The following TRIM22 variants were observed in gnomAD, a reference collection of about 807,000 sequenced individuals.
TRIM22 encodes the protein tripartite motif containing 22.
A neutral mutation model predicts 53.6 loss-of-function variants in TRIM22; 45 were observed. The observed-to-expected ratio is 0.84, with a 90% confidence interval of 0.66 to 1.08. TRIM22 has a LOEUF of 1.08. Ranked by LOEUF, TRIM22 falls within the 50% of genes least tolerant of loss-of-function variation. The probability of loss-of-function intolerance (pLI) is 0.00; values close to 1 mark genes in which losing one functional copy is unlikely to be tolerated. For missense variants in TRIM22, 616 were observed against 590.9 expected, an observed-to-expected ratio of 1.04 and a Z score of -0.44; for synonymous variants, 225 against 216.6, an observed-to-expected ratio of 1.04 and a Z score of -0.34.
chr11:5,698,230 C>T (rs1005567878), intron 3 of TRIM22, 85 bp from the exon 4 acceptor site: 26 of 1,102,714 alleles, frequency 2.4e-5, no homozygotes, highest in Non-Finnish European at 3.1e-5. Context: ...CTGAGGAAAA[C>T]TGTTCTTATC....
At chr11:5,698,191 T>A in intron 3 of TRIM22, 124 bp from the exon 4 acceptor site, 1 of 746,138 alleles carries the variant, frequency 1.3e-6, no homozygotes. Context: ...GTGTATTGGC[T>A]TTTGCCTCCT....
chr11:5,709,563 G>T lies in TRIM22; in HGVS notation c.1412G>T (p.Gly471Val), dbSNP rs371139090. Residue 471 changes from glycine to valine, a missense_variant, in exon 8 of 8, where the codon GGA becomes GTA. Physicochemically the swap from Gly to Val is moderately radical, Grantham distance 109. Transcript: ENST00000379965. The part of the protein sequence containing the change: ...NHGALIYKFS[G>V]CRFSRPAYPY... ...GGAGCACTCATCTACAAGTTCTCTG[G>T]ATGTCGCTTTTCTCGACCTGCTTAT... 3.1e-6 allele frequency: 5 copies of T among 1,613,834 alleles called. No homozygotes were observed. In the Admixed American group the frequency reaches 8.3e-5, roughly 27 times the overall value.
In TRIM22 at chr11:5,709,708, G is replaced by T; in HGVS notation, c.*60G>T. On this transcript the variant is annotated 3_prime_UTR_variant, in exon 8 of 8. Coordinates refer to ENST00000379965, the MANE Select transcript of TRIM22 (RefSeq NM_006074.5). ...GCCCTTGTGCTGAGACTCAGATTCT[G>T]CACCTGAGTTCATCTCTACTGAGAC... 1 of 1,414,450 alleles carries T rather than the reference G, an allele frequency of 7.1e-7. No individual in the cohort carries two copies. The highest frequency in any genetic ancestry group is 1.3e-5 in the South Asian group (1 of 78,706). The allele number at this position is 1,414,450 out of a possible 1,614,324, so 87.6% of individuals were successfully genotyped here.
At chr11:5,698,605 T>A in intron 4 of TRIM22, 60 bp downstream of exon 4, 1 of 1,362,236 alleles carries the variant, frequency 7.3e-7, no homozygotes, top group Non-Finnish European at 1.0e-6. Flanking sequence ...GAGGCCGATT[T>A]TCCTTCCCTT....
At chr11:5,706,465 T>G (rs1026636063) in intron 4 of TRIM22, 129 bp from the exon 5 acceptor site, 1 of 575,562 alleles carries the variant, frequency 1.7e-6, no homozygotes, top group Non-Finnish European at 2.8e-6. Context: ...AAGAATATCT[T>G]AAATATTATA....
At position 5,698,466 on chromosome 11, in the gene TRIM22, T is replaced by C; in HGVS notation, c.671T>C (p.Val224Ala). 1 of 1,614,056 alleles carries C rather than the reference T, an allele frequency of 6.2e-7. No individual in the cohort carries two copies. The highest frequency in any genetic ancestry group is 8.5e-7 in the Non-Finnish European group (1 of 1,179,968). Residue 224 changes from valine (V) to alanine (A), a missense_variant, in exon 4 of 8, where the codon GTC becomes GCC. Transcript: ENST00000379965. ...CTGGCAGCAGCTACAGACCAGCTGG[T>C]CCAGCAGAGGCAGGATGCCAGCACG... is the stretch of plus-strand genomic sequence containing the variant. The part of the protein sequence containing the change: ...DNLAAATDQL[V>A]QQRQDASTLI...
chr11:5,704,767 T>G (rs1034844328), intron 4 of TRIM22, among the ~76,000 whole-genome samples: 9 of 152,152 alleles, frequency 5.9e-5, no homozygotes, highest in African/African-American at 2.2e-4. Context: ...TATCTTTAGG[T>G]CTTTGATTTA....
In TRIM22 at chr11:5,708,265, T is replaced by A. The variant is rs752103507; in HGVS notation, c.866T>A (p.Val289Asp). The change falls in exon 6 of 8, where the codon GTT becomes GAT. Residue 289 changes from valine to aspartate, a missense_variant. By Grantham distance (152) the Val-to-Asp change is radical. Transcript: ENST00000379965. ...RVPDLSGMLQ[V>D]LKELTDVQYY... is the part of the protein sequence containing the mutation. Reference sequence around the variant, plus strand: ...CCAGATCTGAGTGGGATGCTGCAAGTTCTTAAAGGTAAGGGGATTCAGGGG... The same window carrying A: ...CCAGATCTGAGTGGGATGCTGCAAGATCTTAAAGGTAAGGGGATTCAGGGG... 6.2e-7 allele frequency: 1 copy of A among 1,613,444 alleles called. No individual in the cohort carries two copies. The highest frequency in any genetic ancestry group is 2.2e-5 in the East Asian group (1 of 44,882).
chr11:5,704,296 G>T (rs544458958), intron 4 of TRIM22, among the ~76,000 whole-genome samples: 7 of 150,512 alleles, frequency 4.7e-5, no homozygotes, highest in Non-Finnish European at 1.0e-4. Flanking sequence ...CCAATACAAT[G>T]TTGACCTTAG....
intron 3 of TRIM22, chr11:5,697,724 G>T: frequency 5.6e-6 from 1 of 178,406 alleles, no homozygotes; most frequent in Non-Finnish European, 1.2e-5. Context: ...TGTTTTTTGA[G>T]ACAGAGTCTC....
At position 5,698,353 on chromosome 11, in the gene TRIM22, G is replaced by T. The variant is rs745886195; in HGVS notation, c.558G>T (p.Gly186=). 1.5e-5 allele frequency: 25 copies of T among 1,614,066 alleles called. No homozygotes were observed. The Admixed American group carries it at 4.2e-4, about 27-fold the overall frequency. The stretch of plus-strand genomic sequence containing the variant: ...TCGAGAGACAGAAGATTCTGAAAGG[G>T]TTCAATGAAATGAGAGTCATCTTGG... ...IQIERQKILK[G]FNEMRVILDN... Residue 186 remains glycine, a synonymous_variant, in exon 4 of 8, where the codon GGG becomes GGT. Transcript: ENST00000379965.
intron 4 of TRIM22, among the ~76,000 whole-genome samples, chr11:5,698,978 T>C (rs1405493683): frequency 6.6e-6 from 1 of 152,240 alleles, no homozygotes; most frequent in Non-Finnish European, 1.5e-5. Flanking sequence ...ATGTAGTCTT[T>C]TGCATCTGGC....
At chr11:5,701,825 G>A (rs372452191) in intron 4 of TRIM22, among the ~76,000 whole-genome samples, 13 of 152,186 alleles carry the variant, frequency 8.5e-5, no homozygotes, top group African/African-American at 3.1e-4. Flanking sequence ...AACTGTGAGA[G>A]ACTAAATCTC....
At position 5,708,329 on chromosome 11, in the gene TRIM22, T is replaced by C; in HGVS notation, c.874+56T>C. ...TGGATTTCTTAGTATCAGGGCTCAATAGGGAAGCGGGAGGTTTTTTTAGGT... is the reference window on the plus strand; with the variant it reads ...TGGATTTCTTAGTATCAGGGCTCAACAGGGAAGCGGGAGGTTTTTTTAGGT... On this transcript the variant is annotated intron_variant, in intron 6 of 7. Coordinates refer to ENST00000379965, the MANE Select transcript of TRIM22 (RefSeq NM_006074.5). 6.6e-6 allele frequency: 10 copies of C among 1,518,868 alleles called. No homozygotes were observed. In the East Asian group the frequency reaches 6.8e-5, roughly 10 times the overall value. The allele number at this position is 1,518,868 out of a possible 1,614,324, so 94.1% of individuals were successfully genotyped here.
intron 1 of TRIM22, among the ~76,000 whole-genome samples, chr11:5,693,200 TTTTTTTTTTG>T (rs1246724095): frequency 8.0e-6 from 1 of 125,270 alleles, no homozygotes; most frequent in Non-Finnish European, 1.8e-5. Context: ...TTTTTTTTTT[TTTTTTTTTTG>T]ATTTAAATTG....
chr11:5,697,848 CAT>C, intron 3 of TRIM22: 1 of 172,170 alleles, frequency 5.8e-6, no homozygotes, highest in Non-Finnish European at 1.3e-5. Flanking sequence ...GGACTACAGG[CAT>C]GTGCCACCAT....
chr11:5,707,766 C>T (rs1439144299), intron 5 of TRIM22, among the ~76,000 whole-genome samples: 3 of 152,018 alleles, frequency 2.0e-5, no homozygotes, highest in South Asian at 4.1e-4. Context: ...GAGCCGAGGT[C>T]GCGCCACTAC....
intron 4 of TRIM22, among the ~76,000 whole-genome samples, chr11:5,703,057 A>G (rs1414035458): frequency 2.6e-5 from 4 of 152,200 alleles, no homozygotes; most frequent in Admixed American, 6.5e-5. Context: ...TAAAACTGCA[A>G]CTTTTATTTT....
intron 4 of TRIM22, 23 bp from the exon 5 acceptor site, chr11:5,706,571 C>T (rs749472160): frequency 8.1e-6 from 13 of 1,611,420 alleles, no homozygotes; most frequent in Non-Finnish European, 1.1e-5. Flanking sequence ...TATCTTGACT[C>T]ATGTTTTCTA....
Sources: allele counts gnomAD v4.1 joint callset (sites outside exome capture counted in the v4.1 genomes callset), GRCh38; gene constraint gnomAD v4.1.1; transcripts MANE v1.5; gene names NCBI Gene and HGNC (gene_info 2026-07-23, HGNC 2026-07-21).